CCNH: variants seen among roughly 807,000 people sequenced by gnomAD.
CCNH encodes the protein cyclin-H.
Under a neutral mutation model 41.9 loss-of-function variants are expected in CCNH, and 31 were observed. The ratio of observed to expected loss-of-function variants is 0.74; its 90% CI spans 0.56 to 1.00. CCNH has a LOEUF of 1.00. CCNH is among the 50% of genes least tolerant of loss of function. The pLI is 0.00. For synonymous variants in CCNH, 138 were observed against 136.1 expected (o/e 1.01, Z -0.10); for missense variants, 362 against 388.4 (o/e 0.93, Z 0.57).
downstream of CCNH, chr5:87,391,170 G>A: frequency 3.8e-6 from 2 of 527,038 alleles, no homozygotes; most frequent in Non-Finnish European, 6.8e-6. Context: ...TGCTATGACT[G>A]TATCTTGATA....
intron 9 of CCNH, among the ~76,000 whole-genome samples, chr5:87,334,983 A>G (rs1757860766): frequency 6.6e-6 from 1 of 152,054 alleles, no homozygotes; most frequent in Non-Finnish European, 1.5e-5. Flanking sequence ...TCCTGGGTTC[A>G]AGGGATTCTT....
At chr5:87,327,098 T>TG (rs1237214583) in intron 9 of CCNH, among the ~76,000 whole-genome samples, 13 of 152,338 alleles carry the variant, frequency 8.5e-5, no homozygotes, top group African/African-American at 3.1e-4. Context: ...TAATATTTAC[T>TG]GGGTTCTTGG....
intron 9 of CCNH, among the ~76,000 whole-genome samples, chr5:87,351,776 CTGAT>C (rs1404677007): frequency 6.6e-6 from 1 of 151,726 alleles, no homozygotes; most frequent in Non-Finnish European, 1.5e-5. Context: ...AAAAACCTAT[CTGAT>C]TGGTTGCCAC....
chr5:87,366,728 A>G (rs536191526), intron 9 of CCNH, among the ~76,000 whole-genome samples: 5 of 152,366 alleles, frequency 3.3e-5, no homozygotes, highest in Admixed American at 2.0e-4. Flanking sequence ...TCTCTCATTT[A>G]GAAAACAGAT....
chr5:87,378,599 T>G (rs1761484958), upstream of CCNH: 1 of 1,466,670 alleles, frequency 6.8e-7, no homozygotes, highest in Non-Finnish European at 9.4e-7. Flanking sequence ...AGGTAATAAT[T>G]TGTAGCCAAT....
At chr5:87,343,191 T>C (rs1243126482) in intron 9 of CCNH, among the ~76,000 whole-genome samples, 1 of 152,202 alleles carries the variant, frequency 6.6e-6, no homozygotes, top group African/African-American at 2.4e-5. Context: ...GTTGAATTTC[T>C]TTCCAGCTCC....
rs913909238 is a variant in CCNH, at chr5:87,346,695, A to G, written c.*91-27798T>C. On this transcript the variant is annotated intron_variant and NMD_transcript_variant, in intron 9 of 9. Coordinates refer to the CCNH transcript ENST00000645953. The stretch of plus-strand genomic sequence containing the variant: ...AGATGGTTCCATGGGAAGATTTCCA[A>G]ACAGGAAGCTTATAATTTACTAATG... The G allele has an allele frequency of 2.6e-6, 4 of 1,553,636 alleles. No homozygotes were observed. The highest frequency in any genetic ancestry group is 2.7e-6 in the Non-Finnish European group (3 of 1,127,428).
At chr5:87,351,374 G>T (rs1277678974) in intron 9 of CCNH, among the ~76,000 whole-genome samples, 1 of 151,714 alleles carries the variant, frequency 6.6e-6, no homozygotes, top group East Asian at 1.9e-4. Flanking sequence ...AAATTCAGGG[G>T]ATATATAAAT....
chr5:87,365,618 C>T (rs2112464848), intron 9 of CCNH, among the ~76,000 whole-genome samples: 1 of 151,924 alleles, frequency 6.6e-6, no homozygotes, highest in South Asian at 2.1e-4. Flanking sequence ...TTATAATTAG[C>T]CTTAATGTAC....
intron 9 of CCNH, chr5:87,369,930 T>C (rs993946346): frequency 1.3e-6 from 2 of 1,525,004 alleles, no homozygotes; most frequent in Non-Finnish European, 1.8e-6. Context: ...AACTACAGTA[T>C]ACTTTTATGT....
chr5:87,401,876 A>G (rs1476363762), intron 5 of CCNH, 104 bp from the exon 6 acceptor site: 2 of 597,746 alleles, frequency 3.3e-6, no homozygotes, highest in Non-Finnish European at 2.7e-6. Flanking sequence ...GCAATTAAAA[A>G]ATTTTTAAAT....
At chr5:87,391,877 A>ACAAAGGTTAAGTTAAAATAAAAC, downstream of CCNH, 1 of 230,582 alleles carries the variant, frequency 4.3e-6, no homozygotes, top group Non-Finnish European at 8.6e-6. Flanking sequence ...TGAAGTATTC[A>ACAAAGGTTAAGTTAAAATAAAAC]CAAAGGTTAA....
intron 9 of CCNH, among the ~76,000 whole-genome samples, chr5:87,384,175 T>G (rs1761916259): frequency 6.6e-6 from 1 of 152,170 alleles, no homozygotes; most frequent in Non-Finnish European, 1.5e-5. Flanking sequence ...ATATGTACAG[T>G]TGGAATAGTA....
chr5:87,374,151 T>TC, downstream of CCNH: 1 of 1,414,152 alleles, frequency 7.1e-7, no homozygotes, highest in East Asian at 2.7e-5. Flanking sequence ...ATATATATTT[T>TC]TTTTTTTTTA....
intron 9 of CCNH, among the ~76,000 whole-genome samples, chr5:87,343,860 A>G (rs1386683222): frequency 6.6e-6 from 1 of 152,170 alleles, no homozygotes. Context: ...TATAGTACAT[A>G]TACACAATGG....
intron 9 of CCNH, among the ~76,000 whole-genome samples, chr5:87,355,509 A>T (rs1759586926): frequency 1.3e-5 from 2 of 152,178 alleles, no homozygotes; most frequent in South Asian, 4.1e-4. Context: ...TCCTTTGAAA[A>T]TGTTACTGAT....
At position 87,401,776 on chromosome 5, in the gene CCNH, G is replaced by A. The variant is rs758979224; in HGVS notation, c.690-4C>T. 3 of 1,528,108 alleles carry A rather than the reference G, an allele frequency of 2.0e-6. No homozygotes were observed. The highest frequency in any genetic ancestry group is 1.8e-6 in the Non-Finnish European group (2 of 1,134,088). 94.7% of individuals were successfully genotyped at this position (1,528,108 alleles called of 1,614,324 possible). ...CATCAGACTCTCTGATAAATAACTA[G>A]TAAAGAAAAGAAAAAAAAATCTATT... On this transcript the variant is annotated splice_polypyrimidine_tract_variant and splice_region_variant and intron_variant, in intron 5 of 8. Transcript: ENST00000256897.
chr5:87,406,209 A>G (rs1763778321), intron 4 of CCNH, among the ~76,000 whole-genome samples: 1 of 152,068 alleles, frequency 6.6e-6, no homozygotes, highest in Non-Finnish European at 1.5e-5. Context: ...AGAAAGAGCT[A>G]TTATTCCCTC....
chr5:87,382,823 C>T (rs748964744), intron 9 of CCNH, among the ~76,000 whole-genome samples: 79 of 151,994 alleles, frequency 5.2e-4, no homozygotes, highest in Non-Finnish European at 1.0e-3. Flanking sequence ...GTGGCTCAAG[C>T]CTGTAATCTC....
Sources: gnomAD v4.1 joint callset for allele counts (sites outside exome capture counted in the v4.1 genomes callset) on GRCh38, gnomAD v4.1.1 for gene constraint, MANE v1.5 for transcripts, NCBI Gene and HGNC (gene_info 2026-07-23, HGNC 2026-07-21) for gene names.